Variants in B3GALT1 observed in about 807,000 individuals in gnomAD.
The protein encoded by B3GALT1 is UDP-Gal:betaGlcNAc beta 1,3-galactosyltransferase, polypeptide 1.
A neutral mutation model predicts 23.2 loss-of-function variants in B3GALT1; 10 were observed. The observed-to-expected ratio is 0.43, with a 90% CI of 0.27 to 0.73. The LOEUF (loss-of-function observed/expected upper bound fraction) is 0.73, where lower values mean the gene tolerates loss of function less well. Ranked by LOEUF, B3GALT1 falls within the 30% of genes least tolerant of loss-of-function variation. The probability of loss-of-function intolerance (pLI) is 0.21; values close to 1 mark genes in which losing one functional copy is unlikely to be tolerated. For missense variants in B3GALT1, 299 were observed against 405.4 expected (o/e 0.74, Z 2.25); for synonymous variants, 156 against 141.5 (o/e 1.10, Z -0.73).
chr2:167,340,629 C>T lies in B3GALT1; in HGVS notation c.-511+47295C>T, dbSNP rs568095748. Among the ~76,000 whole-genome samples, 3 of 152,320 alleles carry T rather than the reference C, an allele frequency of 2.0e-5. No individual in the cohort carries two copies. In the East Asian group the frequency reaches 5.8e-4, roughly 29 times the overall value. On this transcript the variant is annotated intron_variant, in intron 1 of 4. Transcript: ENST00000392690. ...TAGTCTTCCAAAAATGGTCATGTCA[C>T]CTTGACGTAACTCTTTTCATGGCTC... is the stretch of plus-strand genomic sequence containing the variant.
At chr2:167,686,917 T>A (rs1686626345) in intron 3 of B3GALT1, among the ~76,000 whole-genome samples, 1 of 152,122 alleles carries the variant, frequency 6.6e-6, no homozygotes, top group Non-Finnish European at 1.5e-5. Context: ...AGTCACACCT[T>A]CACACAGCCA....
At chr2:167,661,611 G>A (rs1421528044) in intron 3 of B3GALT1, among the ~76,000 whole-genome samples, 1 of 152,032 alleles carries the variant, frequency 6.6e-6, no homozygotes, top group African/African-American at 2.4e-5. Context: ...CTCCACAAAA[G>A]TGACAACCAA....
chr2:167,387,189 T>A (rs961198747), intron 1 of B3GALT1, among the ~76,000 whole-genome samples: 1 of 152,200 alleles, frequency 6.6e-6, no homozygotes, highest in African/African-American at 2.4e-5. Context: ...AGCATTTTGA[T>A]CAACAATATG....
At chr2:167,821,358 C>A (rs836699) in intron 4 of B3GALT1, among the ~76,000 whole-genome samples, 22 of 149,966 alleles carry the variant, frequency 1.5e-4, no homozygotes, top group African/African-American at 5.2e-4. Flanking sequence ...GCAAATTGCA[C>A]GATATCCAAT....
chr2:167,704,621 T>C (rs1168105902), intron 3 of B3GALT1, among the ~76,000 whole-genome samples: 2 of 152,178 alleles, frequency 1.3e-5, no homozygotes, highest in Non-Finnish European at 2.9e-5. Context: ...CTGGAATTAC[T>C]ATAGACAGAT....
chr2:167,834,818 T>C (rs563389556), intron 4 of B3GALT1, among the ~76,000 whole-genome samples: 8 of 151,806 alleles, frequency 5.3e-5, no homozygotes, highest in African/African-American at 1.4e-4. Context: ...CACTGCACTC[T>C]AGGCTGGGCA....
chr2:167,683,446 G>T (rs1686568880), intron 3 of B3GALT1, among the ~76,000 whole-genome samples: 1 of 152,148 alleles, frequency 6.6e-6, no homozygotes, highest in African/African-American at 2.4e-5. Flanking sequence ...CACATCCAAG[G>T]GGCCAGGCAC....
intron 1 of B3GALT1, among the ~76,000 whole-genome samples, chr2:167,441,867 TTTTTTAA>T (rs1348297922): frequency 2.0e-5 from 3 of 151,534 alleles, no homozygotes; most frequent in African/African-American, 7.3e-5. Context: ...ATGTTTTTTT[TTTTTTAA>T]TTTAATTTAT....
At chr2:167,314,327 G>T (rs1203391359) in intron 1 of B3GALT1, among the ~76,000 whole-genome samples, 1 of 152,162 alleles carries the variant, frequency 6.6e-6, no homozygotes, top group Non-Finnish European at 1.5e-5. Context: ...ATCAGCACTA[G>T]ACTGAGTCTG....
At chr2:167,680,529 G>A (rs980577172) in intron 3 of B3GALT1, among the ~76,000 whole-genome samples, 1 of 152,158 alleles carries the variant, frequency 6.6e-6, no homozygotes, top group Admixed American at 6.5e-5. Flanking sequence ...TTTTTGGTAG[G>A]AGGGAGCTAA....
intron 4 of B3GALT1, among the ~76,000 whole-genome samples, chr2:167,857,158 A>T (rs972474903): frequency 1.2e-4 from 19 of 152,256 alleles, no homozygotes; most frequent in African/African-American, 4.3e-4. Flanking sequence ...TTCTTTGATT[A>T]TGAGACCTTA....
intron 1 of B3GALT1, among the ~76,000 whole-genome samples, chr2:167,441,125 T>C (rs1015692390): frequency 1.3e-5 from 2 of 152,196 alleles, no homozygotes; most frequent in South Asian, 2.1e-4. Flanking sequence ...GGATGGGGCA[T>C]GTGTTTGACC....
chr2:167,398,359 C>A (rs1169868076), intron 1 of B3GALT1, among the ~76,000 whole-genome samples: 2 of 152,020 alleles, frequency 1.3e-5, no homozygotes, highest in Non-Finnish European at 2.9e-5. Context: ...TTTTCTCTCT[C>A]CCTTCCTTCT....
At chr2:167,305,247 T>C (rs1450481463) in intron 1 of B3GALT1, among the ~76,000 whole-genome samples, 2 of 151,964 alleles carry the variant, frequency 1.3e-5, no homozygotes, top group Admixed American at 1.3e-4. Context: ...TGTTAATATA[T>C]ATATATATTT....
intron 2 of B3GALT1, among the ~76,000 whole-genome samples, chr2:167,598,074 C>G (rs890362617): frequency 6.6e-6 from 1 of 152,076 alleles, no homozygotes; most frequent in African/African-American, 2.4e-5. Context: ...TTCCTGGAAT[C>G]TAGTACGGAA....
intron 4 of B3GALT1, among the ~76,000 whole-genome samples, chr2:167,820,072 C>T (rs936867038): frequency 6.6e-6 from 1 of 152,098 alleles, no homozygotes; most frequent in South Asian, 2.1e-4. Flanking sequence ...TCTCCAAGTT[C>T]AAGACAAATA....
chr2:167,492,904 C>T lies in B3GALT1; in HGVS notation c.-410+2627C>T, dbSNP rs201122401. On this transcript the variant is annotated intron_variant, in intron 2 of 4. Coordinates refer to ENST00000392690, the MANE Select transcript of B3GALT1 (RefSeq NM_020981.4). ...GTGTGTGTGTGTGTGTGTGTGTGTA[C>T]CTAGTATTCTCTGTTATAGAAAGAG... Among the ~76,000 whole-genome samples the T allele has an allele frequency of 1.5e-4, 19 of 123,900 alleles. No homozygotes were observed. In the South Asian group the frequency reaches 5.2e-3, roughly 34 times the overall value. 81.3% of individuals were successfully genotyped at this position (123,900 alleles called of 152,430 possible).
rs147579423 is a variant in B3GALT1, at chr2:167,377,575, G to T, written c.-511+84241G>T. On this transcript the variant is annotated intron_variant, in intron 1 of 4. Coordinates refer to ENST00000392690, the MANE Select transcript of B3GALT1 (RefSeq NM_020981.4). The stretch of plus-strand genomic sequence containing the variant: ...GTTAAATTGAACTCTTTATCATGAT[G>T]TAATGCTCTTCTTTGTCCTTTTTTA... Among the ~76,000 whole-genome samples, 558 of 152,240 alleles carry T rather than the reference G, an allele frequency of 3.7e-3. 7 individuals are homozygous for T. Among genetic ancestry groups the T allele is most frequent in the African/African-American group, 0.013 (535 of 41,552 alleles).
chr2:167,564,467 C>T (rs914729655), intron 2 of B3GALT1, among the ~76,000 whole-genome samples: 14 of 152,064 alleles, frequency 9.2e-5, no homozygotes, highest in Admixed American at 3.3e-4. Flanking sequence ...GGGTGGCGGC[C>T]GGGCAGAGGC....
Sources: gnomAD v4.1 joint callset for allele counts (sites outside exome capture counted in the v4.1 genomes callset) on GRCh38, gnomAD v4.1.1 for gene constraint, MANE v1.5 for transcripts, NCBI Gene and HGNC (gene_info 2026-07-23, HGNC 2026-07-21) for gene names.